Variants in NAALADL2 observed in about 807,000 individuals in gnomAD.
NAALADL2 encodes the protein inactive N-acetylated-alpha-linked acidic dipeptidase-like protein 2.
Under a neutral mutation model 87.2 loss-of-function variants are expected in NAALADL2, and 76 were observed. That is an observed-to-expected ratio of 0.87 (90% CI 0.72 to 1.05). The LOEUF is 1.05. Among genes scored for constraint, NAALADL2 ranks in the 50% least tolerant of loss-of-function variants. The pLI is 0.00. For missense variants in NAALADL2, 1,089 were observed against 945.8 expected (o/e 1.15, Z -1.99); for synonymous variants, 354 against 331.0 (o/e 1.07, Z -0.75).
Position 175,465,497 on chromosome 3 carries a change from T to C in NAALADL2, c.1328-1482T>C, listed in dbSNP as rs945548555. Among the ~76,000 whole-genome samples the C allele has an allele frequency of 2.6e-4, 37 of 142,664 alleles. 3 individuals are homozygous for C. Among genetic ancestry groups the C allele is most frequent in the Admixed American group, 1.4e-3 (19 of 13,832 alleles). 93.6% of individuals were successfully genotyped at this position (142,664 alleles called of 152,430 possible). Reference sequence around the variant, plus strand: ...TCTTTTTTTTTTTTTTTTTTTGAGATGGAGTCTTGCTCTATCACGGGGCTG... The same window carrying C: ...TCTTTTTTTTTTTTTTTTTTTGAGACGGAGTCTTGCTCTATCACGGGGCTG... On this transcript the variant is annotated intron_variant, in intron 7 of 13. Coordinates refer to ENST00000454872, the MANE Select transcript of NAALADL2 (RefSeq NM_207015.3).
intron 13 of NAALADL2, among the ~76,000 whole-genome samples, chr3:175,771,561 G>A (rs770703536): frequency 5.9e-5 from 9 of 152,094 alleles, no homozygotes; most frequent in East Asian, 1.9e-4. Flanking sequence ...GGGAGAATCC[G>A]TTCCCTGTGG....
intron 2 of NAALADL2, among the ~76,000 whole-genome samples, chr3:174,606,828 A>G (rs1272972602): frequency 3.9e-5 from 6 of 152,144 alleles, no homozygotes; most frequent in African/African-American, 1.4e-4. Context: ...AACACCACAA[A>G]GATACTCCTC....
At chr3:174,795,146 C>A (rs1206195015) in intron 3 of NAALADL2, among the ~76,000 whole-genome samples, 2 of 150,118 alleles carry the variant, frequency 1.3e-5, no homozygotes, top group Non-Finnish European at 3.0e-5. Context: ...CATGCACCAC[C>A]ATGCCTGGCT....
chr3:174,760,662 T>C (rs1712811626), intron 3 of NAALADL2, among the ~76,000 whole-genome samples: 2 of 152,242 alleles, frequency 1.3e-5, no homozygotes, highest in African/African-American at 4.8e-5. Flanking sequence ...GCTCTTGCTG[T>C]CCTTGTTGCT....
chr3:175,239,515 G>A (rs1331057873), intron 3 of NAALADL2, among the ~76,000 whole-genome samples: 5 of 152,220 alleles, frequency 3.3e-5, no homozygotes, highest in African/African-American at 1.2e-4. Flanking sequence ...GGTCAGATTG[G>A]TTCTGCCAAG....
At chr3:174,797,671 T>C (rs542410239) in intron 3 of NAALADL2, among the ~76,000 whole-genome samples, 142 of 152,148 alleles carry the variant, frequency 9.3e-4, no homozygotes, top group Non-Finnish European at 1.7e-3. Flanking sequence ...TAGGCAATTT[T>C]GTTTCTTGTT....
intron 2 of NAALADL2, among the ~76,000 whole-genome samples, chr3:174,705,343 T>G (rs1269415247): frequency 6.6e-6 from 1 of 152,196 alleles, no homozygotes; most frequent in South Asian, 2.1e-4. Context: ...TATAATAAAA[T>G]GGATGCTATT....
chr3:174,997,180 T>C (rs908014988), intron 1 of NAALADL2, among the ~76,000 whole-genome samples: 2 of 152,190 alleles, frequency 1.3e-5, no homozygotes, highest in South Asian at 2.1e-4. Flanking sequence ...TGACTTTTTT[T>C]CCTTTGGATA....
chr3:174,472,934 G>A (rs1001230213), intron 1 of NAALADL2, among the ~76,000 whole-genome samples: 3 of 152,128 alleles, frequency 2.0e-5, no homozygotes, highest in African/African-American at 7.2e-5. Context: ...TAGGAGATAC[G>A]AAAATATCAC....
At chr3:175,395,625 C>T (rs1769681041) in intron 5 of NAALADL2, among the ~76,000 whole-genome samples, 1 of 152,098 alleles carries the variant, frequency 6.6e-6, no homozygotes. Context: ...TGACCACATG[C>T]CTGGAATGTT....
intron 9 of NAALADL2, among the ~76,000 whole-genome samples, chr3:175,503,621 A>G (rs1286133116): frequency 6.6e-6 from 1 of 152,316 alleles, no homozygotes; most frequent in African/African-American, 2.4e-5. Context: ...AATAATAGCC[A>G]TTCTGACTGG....
chr3:175,687,351 T>A (rs1303898901), intron 11 of NAALADL2, among the ~76,000 whole-genome samples: 3 of 152,206 alleles, frequency 2.0e-5, no homozygotes, highest in Non-Finnish European at 2.9e-5. Flanking sequence ...TCAATGTAAG[T>A]ATTATGCCGT....
intron 2 of NAALADL2, among the ~76,000 whole-genome samples, chr3:174,623,026 G>A (rs1299803173): frequency 1.3e-5 from 2 of 152,138 alleles, no homozygotes. Context: ...CTGGACGACA[G>A]AGTGAGACTC....
chr3:175,176,743 A>AG (rs1580801589), intron 2 of NAALADL2, among the ~76,000 whole-genome samples: 1 of 152,126 alleles, frequency 6.6e-6, no homozygotes, highest in East Asian at 1.9e-4. Context: ...GGATGGAGTA[A>AG]GGGGTCGGAG....
intron 10 of NAALADL2, among the ~76,000 whole-genome samples, chr3:175,603,394 C>A (rs1723223977): frequency 6.6e-6 from 1 of 152,084 alleles, no homozygotes; most frequent in South Asian, 2.1e-4. Flanking sequence ...TTGTTTGAAA[C>A]CATCACCACC....
At chr3:175,160,697 T>C (rs1265652168) in intron 2 of NAALADL2, among the ~76,000 whole-genome samples, 5 of 152,104 alleles carry the variant, frequency 3.3e-5, no homozygotes, top group African/African-American at 1.2e-4. Flanking sequence ...TGCTTATCTG[T>C]AAGAAATAAT....
chr3:174,840,315 T>C (rs11925982), intron 3 of NAALADL2, among the ~76,000 whole-genome samples: 18,842 of 151,942 alleles, frequency 0.12, 1,272 homozygotes, highest in Middle Eastern at 0.16. Context: ...ATCAAATATT[T>C]ATTGAACACT....
At chr3:174,961,346 A>G (rs1360774374) in intron 1 of NAALADL2, among the ~76,000 whole-genome samples, 1 of 151,852 alleles carries the variant, frequency 6.6e-6, no homozygotes, top group African/African-American at 2.4e-5. Flanking sequence ...TATCTATACA[A>G]AATTCAGAAT....
At chr3:175,509,271 C>T (rs1730798629) in intron 9 of NAALADL2, among the ~76,000 whole-genome samples, 1 of 152,186 alleles carries the variant, frequency 6.6e-6, no homozygotes, top group Admixed American at 6.5e-5. Context: ...AGTAGCCATC[C>T]TCAGGTGCCC....
Sources: allele counts gnomAD v4.1 joint callset (sites outside exome capture counted in the v4.1 genomes callset), GRCh38; gene constraint gnomAD v4.1.1; transcripts MANE v1.5; gene names NCBI Gene and HGNC (gene_info 2026-07-23, HGNC 2026-07-21).